Variants in SLC39A11 observed in about 807,000 individuals in gnomAD.
SLC39A11 encodes zinc transporter ZIP11.
In SLC39A11, 33 loss-of-function variants were observed where a neutral mutation model predicts 36.1. The observed-to-expected ratio is 0.91, with a 90% CI of 0.69 to 1.22. The LOEUF is 1.22. Among genes scored for constraint, SLC39A11 ranks in the 50% most tolerant of loss-of-function variants. The pLI, the probability that SLC39A11 is intolerant of heterozygous loss-of-function variation, is 0.00. For missense variants in SLC39A11, 432 were observed against 430.3 expected (o/e 1.00, Z -0.03); for synonymous variants, 166 against 170.3 (o/e 0.97, Z 0.20).
chr17:72,829,521 G>T (rs1007474857), intron 6 of SLC39A11, among the ~76,000 whole-genome samples: 3 of 152,142 alleles, frequency 2.0e-5, no homozygotes, highest in African/African-American at 4.8e-5. Flanking sequence ...CTCAAGGGCA[G>T]CTGGGCAGAA....
At chr17:72,675,863 G>C (rs1028349302) in intron 7 of SLC39A11, among the ~76,000 whole-genome samples, 1 of 152,140 alleles carries the variant, frequency 6.6e-6, no homozygotes, top group Non-Finnish European at 1.5e-5. Context: ...ATTTTTAGTA[G>C]AGATGGGGTT....
chr17:72,926,088 C>A (rs533363207), intron 5 of SLC39A11, among the ~76,000 whole-genome samples: 1 of 152,350 alleles, frequency 6.6e-6, no homozygotes, highest in South Asian at 2.1e-4. Context: ...AAATCCTCAT[C>A]TTTCCTGGGA....
chr17:72,882,096 T>C (rs533576018), intron 5 of SLC39A11, among the ~76,000 whole-genome samples: 1 of 152,346 alleles, frequency 6.6e-6, no homozygotes, highest in Admixed American at 6.5e-5. Flanking sequence ...CTCATACCTG[T>C]AATCCCAGCA....
At chr17:73,028,210 T>C (rs1188990838) in intron 4 of SLC39A11, among the ~76,000 whole-genome samples, 1 of 152,100 alleles carries the variant, frequency 6.6e-6, no homozygotes, top group Non-Finnish European at 1.5e-5. Context: ...GGTTCATAGA[T>C]CCCAAGAAGG....
chr17:72,922,841 A>G (rs71380147), intron 5 of SLC39A11, among the ~76,000 whole-genome samples: 1 of 151,150 alleles, frequency 6.6e-6, no homozygotes, highest in African/African-American at 2.4e-5. Flanking sequence ...GGTGGTGCAC[A>G]CCTGTAGTCC....
intron 6 of SLC39A11, among the ~76,000 whole-genome samples, chr17:72,794,147 G>A (rs1367801): frequency 0.11 from 16,969 of 152,072 alleles, 1,416 homozygotes; most frequent in African/African-American, 0.23. Context: ...TGATGGGAAC[G>A]CCTGGGAACA....
intron 6 of SLC39A11, among the ~76,000 whole-genome samples, chr17:72,799,365 T>G (rs1235848545): frequency 1.3e-5 from 2 of 152,102 alleles, no homozygotes; most frequent in Non-Finnish European, 2.9e-5. Flanking sequence ...TCAGGGCACC[T>G]TGAAAAAGAA....
intron 7 of SLC39A11, among the ~76,000 whole-genome samples, chr17:72,706,887 C>T (rs1448040970): frequency 6.6e-6 from 1 of 152,154 alleles, no homozygotes; most frequent in East Asian, 1.9e-4. Context: ...AGGGCCCAGG[C>T]ATCAGTATTT....
At chr17:72,912,587 A>T (rs6501580) in intron 5 of SLC39A11, among the ~76,000 whole-genome samples, 150,511 of 151,752 alleles carry the variant, frequency 0.99, 74,641 homozygotes, top group East Asian at 1. Context: ...CCACCACACC[A>T]AGCTCAAGGT....
intron 5 of SLC39A11, among the ~76,000 whole-genome samples, chr17:72,862,502 C>A (rs936609603): frequency 6.6e-6 from 1 of 152,160 alleles, no homozygotes; most frequent in African/African-American, 2.4e-5. Flanking sequence ...TGGGAGCATC[C>A]TTTCCCATCC....
At chr17:72,888,802 TGAGGA>T (rs1246004499) in intron 5 of SLC39A11, among the ~76,000 whole-genome samples, 1 of 152,024 alleles carries the variant, frequency 6.6e-6, no homozygotes, top group Non-Finnish European at 1.5e-5. Flanking sequence ...CTTGGGAGGC[TGAGGA>T]GAGAGGATTG....
At chr17:73,060,210 C>CAAAAAAAAAAAAAAAAAAAAAAAAAAAAA (rs33931672) in intron 3 of SLC39A11, among the ~76,000 whole-genome samples, 69 of 70,296 alleles carry the variant, frequency 9.8e-4, no homozygotes, top group Middle Eastern at 9.1e-3. Flanking sequence ...AACTCCATCT[C>CAAAAAAAAAAAAAAAAAAAAAAAAAAAAA]AAAAAAAAAA....
chr17:72,836,733 C>T (rs2078565416), intron 6 of SLC39A11, among the ~76,000 whole-genome samples: 1 of 152,128 alleles, frequency 6.6e-6, no homozygotes, highest in East Asian at 1.9e-4. Context: ...GCACTTTATA[C>T]AGCGTCTGGA....
At chr17:72,673,586 T>G (rs1293442625) in intron 7 of SLC39A11, among the ~76,000 whole-genome samples, 1 of 152,208 alleles carries the variant, frequency 6.6e-6, no homozygotes, top group Admixed American at 6.5e-5. Context: ...TTTAGCCTTG[T>G]AGTATCTGTT....
chr17:72,893,803 G>A (rs2081886488), intron 5 of SLC39A11, among the ~76,000 whole-genome samples: 2 of 152,152 alleles, frequency 1.3e-5, no homozygotes, highest in Non-Finnish European at 1.5e-5. Flanking sequence ...ACACCAAGGA[G>A]GCTGGATAAG....
intron 6 of SLC39A11, among the ~76,000 whole-genome samples, chr17:72,740,851 C>T (rs533268358): frequency 4.6e-5 from 7 of 152,046 alleles, no homozygotes; most frequent in Admixed American, 3.9e-4. Context: ...CTTGGCTCAC[C>T]GCAACCTCCG....
chr17:72,989,499 T>C (rs1164313879), intron 4 of SLC39A11, among the ~76,000 whole-genome samples: 3 of 152,246 alleles, frequency 2.0e-5, no homozygotes, highest in East Asian at 1.9e-4. Context: ...CTTAAAGACA[T>C]AGATTACCTT....
At chr17:72,731,433 T>C (rs924680000) in intron 7 of SLC39A11, among the ~76,000 whole-genome samples, 5 of 152,178 alleles carry the variant, frequency 3.3e-5, no homozygotes, top group African/African-American at 1.2e-4. Flanking sequence ...GATTTGATCA[T>C]GGGGGCGGCT....
chr17:72,998,612 G>A lies in SLC39A11; in HGVS notation c.306+32944C>T, dbSNP rs142809877. On this transcript the variant is annotated intron_variant, in intron 4 of 9. Coordinates refer to ENST00000255559, the MANE Select transcript of SLC39A11 (RefSeq NM_139177.4). ...GTGATAGGAATGGGGCAGTAAGTGG[G>A]AATGAGGAAAAGGGAAGAAGACTGG... Among the ~76,000 whole-genome samples, 706 of 152,322 alleles carry A rather than the reference G, an allele frequency of 4.6e-3. 3 individuals carry two copies. Among genetic ancestry groups the A allele is most frequent in the African/African-American group, 0.016 (661 of 41,574 alleles).
Sources: gnomAD v4.1 joint callset for allele counts (sites outside exome capture counted in the v4.1 genomes callset) on GRCh38, gnomAD v4.1.1 for gene constraint, MANE v1.5 for transcripts, NCBI Gene and HGNC (gene_info 2026-07-23, HGNC 2026-07-21) for gene names.